Variants in TAF4 observed in about 807,000 individuals in gnomAD.
TAF4 encodes transcription initiation factor TFIID subunit 4.
Under a neutral mutation model 90.3 loss-of-function variants are expected in TAF4, and 9 were observed. The ratio of observed to expected loss-of-function variants is 0.10; its 90% CI spans 0.06 to 0.17. The LOEUF (loss-of-function observed/expected upper bound fraction) is 0.17. TAF4 is among the 10% of genes least tolerant of loss of function. The pLI is 1.00. For missense variants in TAF4, 1,351 were observed against 1,370.7 expected (o/e 0.99, Z 0.23); for synonymous variants, 818 against 638.9 (o/e 1.28, Z -4.23).
rs1256333568 is a variant in TAF4, at chr20:61,995,812, G to A, written c.3090+1738C>T. Among the ~76,000 whole-genome samples, 12 of 94,344 alleles carry A rather than the reference G, an allele frequency of 1.3e-4. 4 individuals carry two copies. Among genetic ancestry groups the A allele is most frequent in the Non-Finnish European group, 6.2e-5 (3 of 48,564 alleles). The allele number at this position is 94,344 out of a possible 152,430, so 61.9% of individuals were successfully genotyped here. On this transcript the variant is annotated intron_variant, in intron 14 of 14. Coordinates refer to ENST00000252996, the MANE Select transcript of TAF4 (RefSeq NM_003185.4). Reference sequence around the variant, plus strand: ...CGGGAAGCGGAGCTTGCAGTGAGCCGAGATTGCGCCACTGCAGTCCGCAGT... The same window carrying A: ...CGGGAAGCGGAGCTTGCAGTGAGCCAAGATTGCGCCACTGCAGTCCGCAGT...
Position 62,007,577 on chromosome 20 carries a change from T to C in TAF4, c.1944A>G (p.Ser648=). Residue 648 remains serine (S), a synonymous_variant, in exon 6 of 15, where the codon TCA becomes TCG. Transcript: ENST00000252996. The part of the protein sequence containing the change: ...TSRLYRELNS[S]PQPYLVPFLK... ...GGAAAGGCACAAGGTAAGGTTGAGG[T>C]GAAGAATTAAGTTCTCGGTATAACC... 1.9e-6 allele frequency: 3 copies of C among 1,613,026 alleles called. No homozygotes were observed. The highest frequency in any genetic ancestry group is 2.5e-6 in the Non-Finnish European group (3 of 1,179,590).
At chr20:62,004,349 A>T (rs1463111532) in intron 7 of TAF4, among the ~76,000 whole-genome samples, 4 of 34,250 alleles carry the variant, frequency 1.2e-4, no homozygotes, top group Admixed American at 8.9e-4. Flanking sequence ...TTTTTTTGAG[A>T]CAAGTCTCGC....
At chr20:61,994,286 C>T (rs1012983461) in intron 14 of TAF4, among the ~76,000 whole-genome samples, 1 of 152,234 alleles carries the variant, frequency 6.6e-6, no homozygotes. Flanking sequence ...CAGGCCTAGG[C>T]CCAGGTGAGT....
chr20:62,013,862 C>T (rs547475176), intron 2 of TAF4, among the ~76,000 whole-genome samples: 1 of 151,752 alleles, frequency 6.6e-6, no homozygotes, highest in African/African-American at 2.4e-5. Flanking sequence ...GTGCTCCCTA[C>T]CACAGCTCAG....
intron 14 of TAF4, among the ~76,000 whole-genome samples, chr20:61,985,360 C>T (rs1198445229): frequency 6.6e-6 from 1 of 151,944 alleles, no homozygotes; most frequent in Non-Finnish European, 1.5e-5. Context: ...AGGAGGATTG[C>T]TGGAGTCTAG....
chr20:61,982,114 G>C (rs1298671138), intron 14 of TAF4, among the ~76,000 whole-genome samples: 10 of 87,572 alleles, frequency 1.1e-4, no homozygotes, highest in Non-Finnish European at 1.1e-4. Flanking sequence ...ACACCCACCG[G>C]AGAGGAGACA....
At chr20:61,991,189 C>T (rs1298816947) in intron 14 of TAF4, among the ~76,000 whole-genome samples, 3 of 151,968 alleles carry the variant, frequency 2.0e-5, no homozygotes, top group Admixed American at 6.6e-5. Context: ...GAGGCTGAGA[C>T]GGGCAAATCA....
intron 9 of TAF4, among the ~76,000 whole-genome samples, chr20:62,001,329 C>T (rs186451321): frequency 6.6e-5 from 10 of 152,346 alleles, no homozygotes; most frequent in Non-Finnish European, 1.3e-4. Context: ...ATCCCAGCTG[C>T]CACGTCTTGT....
At chr20:62,046,817 G>A (rs1020686794) in intron 1 of TAF4, among the ~76,000 whole-genome samples, 1 of 152,194 alleles carries the variant, frequency 6.6e-6, no homozygotes, top group Non-Finnish European at 1.5e-5. Flanking sequence ...ATGTCCTGGA[G>A]TCTAACTATG....
intron 1 of TAF4, among the ~76,000 whole-genome samples, chr20:62,046,974 G>T (rs1331679489): frequency 6.6e-6 from 1 of 152,174 alleles, no homozygotes; most frequent in African/African-American, 2.4e-5. Context: ...TTCTTTGTTA[G>T]ATATAAATAT....
intron 14 of TAF4, among the ~76,000 whole-genome samples, chr20:61,979,717 C>T (rs1204556292): frequency 2.0e-5 from 3 of 149,254 alleles, no homozygotes; most frequent in Non-Finnish European, 3.0e-5. Context: ...GGGACTGTGG[C>T]CCGTGCAGGC....
chr20:61,987,445 C>G (rs558965140), intron 14 of TAF4, among the ~76,000 whole-genome samples: 1 of 152,322 alleles, frequency 6.6e-6, no homozygotes, highest in African/African-American at 2.4e-5. Context: ...CAAAATATAC[C>G]AAGAACTCCT....
chr20:62,055,302 C>T (rs1040502206), intron 1 of TAF4, among the ~76,000 whole-genome samples: 6 of 150,238 alleles, frequency 4.0e-5, no homozygotes, highest in Admixed American at 6.6e-5. Flanking sequence ...TGCGGGCGGT[C>T]CTGCAAGACG....
chr20:62,002,091 G>A (rs1321940622), intron 9 of TAF4, among the ~76,000 whole-genome samples: 1 of 152,176 alleles, frequency 6.6e-6, no homozygotes, highest in Non-Finnish European at 1.5e-5. Flanking sequence ...TATCCCTTCT[G>A]CCAGGCCGCT....
chr20:61,978,996 G>GCCCCAAACCCC (rs1415925474), intron 14 of TAF4: 1 of 153,202 alleles, frequency 6.5e-6, no homozygotes, highest in African/African-American at 2.4e-5. Flanking sequence ...AGCCCACTTC[G>GCCCCAAACCCC]CCCCAGGCAG....
chr20:62,064,283 G>A (rs1281287507), intron 1 of TAF4, 168 bp downstream of exon 1: 61 of 737,444 alleles, frequency 8.3e-5, no homozygotes, highest in Admixed American at 1.3e-4. Flanking sequence ...CTCGCAGACA[G>A]CCACCCGGGC....
chr20:61,995,338 A>C (rs1036762481), intron 14 of TAF4, among the ~76,000 whole-genome samples: 2 of 152,230 alleles, frequency 1.3e-5, no homozygotes, highest in African/African-American at 4.8e-5. Flanking sequence ...ACTAGATGGA[A>C]ATCTTAGAAT....
intron 14 of TAF4, among the ~76,000 whole-genome samples, chr20:61,989,184 C>T (rs1221273205): frequency 6.6e-6 from 1 of 152,074 alleles, no homozygotes; most frequent in Non-Finnish European, 1.5e-5. Flanking sequence ...ACACACTCCC[C>T]TACATGCATT....
At chr20:62,001,871 T>C (rs1244080380) in intron 9 of TAF4, among the ~76,000 whole-genome samples, 1 of 152,148 alleles carries the variant, frequency 6.6e-6, no homozygotes, top group Non-Finnish European at 1.5e-5. Flanking sequence ...GTCCTTGTCA[T>C]TTTAGTGGAA....
Sources: allele counts gnomAD v4.1 joint callset (sites outside exome capture counted in the v4.1 genomes callset), GRCh38; gene constraint gnomAD v4.1.1; transcripts MANE v1.5; gene names NCBI Gene and HGNC (gene_info 2026-07-23, HGNC 2026-07-21).